NUDCD3: variants seen among roughly 807,000 people sequenced by gnomAD.
NUDCD3 encodes the protein nudC domain-containing protein 3.
NUDCD3 carries 13 observed loss-of-function variants against 39.7 expected under a neutral mutation model. The observed-to-expected ratio is 0.33, with a 90% confidence interval of 0.21 to 0.52. NUDCD3 has a LOEUF of 0.52. Ranked by LOEUF, NUDCD3 falls within the 20% of genes least tolerant of loss-of-function variation. The pLI, the probability that NUDCD3 is intolerant of heterozygous loss-of-function variation, is 0.96. For missense variants in NUDCD3, 453 were observed against 458.1 expected (o/e 0.99, Z 0.10); for synonymous variants, 175 against 172.4 (o/e 1.02, Z -0.12).
At chr7:44,454,936 AACACACAC>A (rs10539692) in intron 2 of NUDCD3, among the ~76,000 whole-genome samples, 17 of 143,408 alleles carry the variant, frequency 1.2e-4, no homozygotes, top group African/African-American at 4.4e-4. Context: ...CCTGTCTCAA[AACACACAC>A]ACACACACAC....
At chr7:44,434,771 A>G (rs1799434989) in intron 2 of NUDCD3, among the ~76,000 whole-genome samples, 1 of 152,236 alleles carries the variant, frequency 6.6e-6, no homozygotes, top group Non-Finnish European at 1.5e-5. Context: ...CCTGAGGTCA[A>G]GCCCAGCTTC....
At chr7:44,486,049 G>C (rs1195074185) in intron 1 of NUDCD3, among the ~76,000 whole-genome samples, 2 of 152,228 alleles carry the variant, frequency 1.3e-5, no homozygotes, top group Non-Finnish European at 2.9e-5. Context: ...GAAATCTAGG[G>C]AGACTTCTTG....
chr7:44,483,007 T>C (rs559986638), intron 2 of NUDCD3, among the ~76,000 whole-genome samples: 242 of 152,218 alleles, frequency 1.6e-3, no homozygotes, highest in African/African-American at 5.5e-3. Flanking sequence ...GACAGTAAAG[T>C]TGAAGACAGG....
At chr7:44,487,090 C>A (rs904301728) in intron 1 of NUDCD3, among the ~76,000 whole-genome samples, 14 of 151,478 alleles carry the variant, frequency 9.2e-5, no homozygotes, top group African/African-American at 3.4e-4. Context: ...AAGTGGACTC[C>A]AAAAAAAACA....
chr7:44,396,681 T>A (rs1798631702), intron 4 of NUDCD3, among the ~76,000 whole-genome samples: 1 of 152,244 alleles, frequency 6.6e-6, no homozygotes, highest in Non-Finnish European at 1.5e-5. Flanking sequence ...ACTGGTTTAA[T>A]GTGTAAATGT....
rs1422190207 is a variant in NUDCD3 at position 44,379,281 on chromosome 7, C to G, written c.*6730G>C. 5 of 147,862 alleles carry G rather than the reference C, an allele frequency of 3.4e-5. No homozygotes were observed. The highest frequency in any genetic ancestry group is 6.9e-5 in the Admixed American group (1 of 14,542). 9.2% of individuals were successfully genotyped at this position (147,862 alleles called of 1,614,324 possible). Reference sequence around the variant, plus strand: ...CAGTCTGGGCAACACAGGAAAAACTCTGTCTCAAAAAAAAAAAAAACTTTT... The same window carrying G: ...CAGTCTGGGCAACACAGGAAAAACTGTGTCTCAAAAAAAAAAAAAACTTTT... On this transcript the variant is annotated 3_prime_UTR_variant, in exon 6 of 6. Transcript: ENST00000355451.
intron 2 of NUDCD3, among the ~76,000 whole-genome samples, chr7:44,466,512 T>C (rs563720203): frequency 7.4e-4 from 113 of 152,238 alleles, no homozygotes; most frequent in African/African-American, 2.6e-3. Flanking sequence ...ACCACACCAA[T>C]CTGTGAAGTG....
At chr7:44,461,516 T>C (rs1212403359) in intron 2 of NUDCD3, among the ~76,000 whole-genome samples, 2 of 152,120 alleles carry the variant, frequency 1.3e-5, no homozygotes, top group African/African-American at 4.8e-5. Flanking sequence ...ACTAAATCAT[T>C]TCCTGCCTGT....
At chr7:44,407,718 A>G (rs1466634875) in intron 3 of NUDCD3, among the ~76,000 whole-genome samples, 2 of 152,174 alleles carry the variant, frequency 1.3e-5, no homozygotes, top group African/African-American at 4.8e-5. Context: ...GAGATCTGAG[A>G]AGACACTATA....
chr7:44,440,496 G>GA (rs72065068), intron 2 of NUDCD3, among the ~76,000 whole-genome samples: 3,960 of 48,204 alleles, frequency 0.082, 141 homozygotes, highest in Admixed American at 0.14. Flanking sequence ...CAGAAAAATT[G>GA]AAAAAAAAAA....
At chr7:44,431,304 C>T (rs1464877752) in intron 2 of NUDCD3, among the ~76,000 whole-genome samples, 1 of 152,108 alleles carries the variant, frequency 6.6e-6, no homozygotes, top group African/African-American at 2.4e-5. Context: ...AGTAGGTCTC[C>T]CTGCAGCTCC....
intron 2 of NUDCD3, among the ~76,000 whole-genome samples, chr7:44,480,282 CA>C (rs1563190322): frequency 6.6e-6 from 1 of 151,806 alleles, no homozygotes; most frequent in African/African-American, 2.4e-5. Flanking sequence ...AAAAGGAATA[CA>C]AAAAAATTAA....
chr7:44,450,185 T>C (rs2116933604), intron 2 of NUDCD3, among the ~76,000 whole-genome samples: 1 of 152,130 alleles, frequency 6.6e-6, no homozygotes, highest in Middle Eastern at 3.4e-3. Flanking sequence ...TCTAATTTTT[T>C]TTTTTTTTTT....
intron 4 of NUDCD3, among the ~76,000 whole-genome samples, chr7:44,400,484 G>A (rs542951693): frequency 3.9e-5 from 6 of 152,220 alleles, no homozygotes; most frequent in Non-Finnish European, 8.8e-5. Context: ...AGCTCTGGAC[G>A]CCATCCCTTT....
intron 1 of NUDCD3, 54 bp from the exon 2 acceptor site, chr7:44,485,338 A>AT (rs1450118376): frequency 5.0e-6 from 7 of 1,388,432 alleles, no homozygotes; most frequent in African/African-American, 1.4e-5. Flanking sequence ...ACTGTACCAC[A>AT]TATCTTGTAG....
At chr7:44,456,181 G>A (rs1283345035) in intron 2 of NUDCD3, among the ~76,000 whole-genome samples, 1 of 151,644 alleles carries the variant, frequency 6.6e-6, no homozygotes, top group Non-Finnish European at 1.5e-5. Context: ...GTCATGTGTG[G>A]GTTTTCCCCA....
At chr7:44,484,591 C>A in intron 2 of NUDCD3, 1 of 181,230 alleles carries the variant, frequency 5.5e-6, no homozygotes. Context: ...GTCCATTATA[C>A]CTCAGGCATC....
At chr7:44,401,868 G>A (rs949613525) in intron 4 of NUDCD3, among the ~76,000 whole-genome samples, 3 of 152,162 alleles carry the variant, frequency 2.0e-5, no homozygotes, top group Non-Finnish European at 4.4e-5. Flanking sequence ...CTATGGCCCC[G>A]GGGGCCCTGG....
intron 2 of NUDCD3, chr7:44,468,380 A>C: frequency 2.6e-6 from 3 of 1,172,080 alleles, no homozygotes; most frequent in Non-Finnish European, 3.6e-6. Flanking sequence ...AGAAAAGAAA[A>C]CTAAGGCCCA....
Sources: allele counts gnomAD v4.1 joint callset (sites outside exome capture counted in the v4.1 genomes callset), GRCh38; gene constraint gnomAD v4.1.1; transcripts MANE v1.5; gene names NCBI Gene and HGNC (gene_info 2026-07-23, HGNC 2026-07-21).